The following COL19A1 variants were observed in gnomAD, a reference collection of about 807,000 sequenced individuals.
COL19A1 encodes collagen type XIX alpha 1 chain.
COL19A1 carries 159 observed loss-of-function variants against 190.2 expected under a neutral mutation model. The ratio of observed to expected loss-of-function variants is 0.84; its 90% CI spans 0.73 to 0.95. The LOEUF is 0.95. Among genes scored for constraint, COL19A1 ranks in the 40% least tolerant of loss-of-function variants. The probability of loss-of-function intolerance (pLI) is 0.00; values close to 1 mark genes in which losing one functional copy is unlikely to be tolerated. For missense variants in COL19A1, 1,418 were observed against 1,431.9 expected, an observed-to-expected ratio of 0.99 and a Z score of 0.16; for synonymous variants, 509 against 458.9, an observed-to-expected ratio of 1.11 and a Z score of -1.39.
At chr6:70,098,386 T>C (rs1783416240) in intron 15 of COL19A1, 2 of 505,284 alleles carry the variant, frequency 4.0e-6, no homozygotes, top group African/African-American at 1.9e-5. Flanking sequence ...ATCATTGAAA[T>C]TCTTAAGATA....
In COL19A1 at chr6:70,035,937, C is replaced by A. The variant is rs1779331515; in HGVS notation, c.1168C>A (p.Pro390Thr). ...AGGACCCCCAGGACCACCAGCCTTA[C>A]CTGTAAGTATTCTTGAAATCAAAAT... is the stretch of plus-strand genomic sequence containing the variant. ...DTGPPGPPAL[P>T]GSLGIQGPQG... Residue 390 changes from proline (P) to threonine (T), a missense_variant and splice_region_variant, in exon 14 of 51, where the codon CCT becomes ACT. Coordinates refer to ENST00000620364, the MANE Select transcript of COL19A1 (RefSeq NM_001858.6). 2 of 1,613,084 alleles carry A rather than the reference C, an allele frequency of 1.2e-6. No individual in the cohort carries two copies. Among genetic ancestry groups the A allele is most frequent in the South Asian group, 2.2e-5 (2 of 91,060 alleles).
intron 17 of COL19A1, among the ~76,000 whole-genome samples, chr6:70,125,278 G>A (rs983156214): frequency 6.6e-6 from 1 of 152,190 alleles, no homozygotes; most frequent in African/African-American, 2.4e-5. Context: ...TGTGATGTCT[G>A]CACTGGAGCC....
intron 46 of COL19A1, among the ~76,000 whole-genome samples, chr6:70,187,828 C>T (rs1013369083): frequency 8.6e-5 from 13 of 152,042 alleles, no homozygotes; most frequent in African/African-American, 2.7e-4. Flanking sequence ...TTAAGTACTG[C>T]CAAGGTGCCA....
At chr6:70,057,138 A>T (rs1401683455) in intron 14 of COL19A1, among the ~76,000 whole-genome samples, 1 of 152,146 alleles carries the variant, frequency 6.6e-6, no homozygotes, top group African/African-American at 2.4e-5. Context: ...CTGCAGTAGA[A>T]CCATGTTCAT....
At chr6:70,065,074 C>G (rs1369281735) in intron 14 of COL19A1, among the ~76,000 whole-genome samples, 2 of 152,150 alleles carry the variant, frequency 1.3e-5, no homozygotes, top group Non-Finnish European at 2.9e-5. Context: ...ATCAAGCTAC[C>G]AATGAGTTTC....
intron 15 of COL19A1, among the ~76,000 whole-genome samples, chr6:70,085,594 A>T (rs1277316100): frequency 6.6e-6 from 1 of 152,234 alleles, no homozygotes; most frequent in Non-Finnish European, 1.5e-5. Context: ...ACTATTTATA[A>T]CATAGGTTGA....
In COL19A1 at chr6:69,883,876, A is replaced by G. The variant is rs1309030319; in HGVS notation, c.91+4218A>G. Among the ~76,000 whole-genome samples the G allele has an allele frequency of 3.9e-5, 6 of 152,202 alleles. No individual in the cohort carries two copies. In the East Asian group the frequency reaches 1.2e-3, roughly 29 times the overall value. On this transcript the variant is annotated intron_variant, in intron 2 of 50. Transcript: ENST00000620364. The stretch of plus-strand genomic sequence containing the variant: ...AGTTGAAAAAACAAAACATTAAAAT[A>G]ACGGATTTTAGCTGATCTGAGCTTC...
Position 70,130,236 on chromosome 6 carries a change from T to C in COL19A1, c.1383+13T>C. On this transcript the variant is annotated intron_variant, in intron 18 of 50. Coordinates refer to ENST00000620364, the MANE Select transcript of COL19A1 (RefSeq NM_001858.6). ...GAAAGGAGACAAGGTAATCAGATTT[T>C]TTTTTTTTAGATGGAGTCTTGCTCT... is the stretch of plus-strand genomic sequence containing the variant. 1 of 1,611,606 alleles carries C rather than the reference T, an allele frequency of 6.2e-7. No individual in the cohort carries two copies. Among genetic ancestry groups the C allele is most frequent in the Non-Finnish European group, 8.5e-7 (1 of 1,178,698 alleles).
chr6:70,120,385 A>G (rs1381432735), intron 16 of COL19A1, among the ~76,000 whole-genome samples: 2 of 152,102 alleles, frequency 1.3e-5, no homozygotes, highest in African/African-American at 4.8e-5. Flanking sequence ...GCCTCATTAT[A>G]TGTTTGCAGA....
At chr6:70,186,889 T>C (rs570909392) in intron 46 of COL19A1, among the ~76,000 whole-genome samples, 42 of 152,344 alleles carry the variant, frequency 2.8e-4, no homozygotes, top group Middle Eastern at 6.8e-3. Context: ...TGTTTTGTTT[T>C]GTTTTGAGAC....
Position 69,880,620 on chromosome 6 carries a change from G to A in COL19A1, c.91+962G>A, listed in dbSNP as rs563889727. 3.9e-5 allele frequency among the ~76,000 whole-genome samples: 6 copies of A among 152,310 alleles called. No individual in the cohort carries two copies. The South Asian group carries it at 8.3e-4, about 21-fold the overall frequency. ...ATCTAACACATCGTAGTCTTTCAGAGTGTTATGTAAGTCTTTATGATTTTT... is the reference window on the plus strand; with the variant it reads ...ATCTAACACATCGTAGTCTTTCAGAATGTTATGTAAGTCTTTATGATTTTT... On this transcript the variant is annotated intron_variant, in intron 2 of 50. Transcript: ENST00000620364.
intron 4 of COL19A1, among the ~76,000 whole-genome samples, chr6:69,901,531 T>C (rs1358229154): frequency 1.3e-5 from 2 of 152,262 alleles, no homozygotes; most frequent in Non-Finnish European, 2.9e-5. Flanking sequence ...CTTCAGCAGA[T>C]GTAACTGTAT....
intron 14 of COL19A1, among the ~76,000 whole-genome samples, chr6:70,058,616 C>G (rs1465581903): frequency 1.3e-5 from 2 of 151,946 alleles, no homozygotes; most frequent in African/African-American, 4.8e-5. Flanking sequence ...CATAGAATTC[C>G]TTTTCTAAAC....
At chr6:70,089,616 A>G (rs184533531) in intron 15 of COL19A1, among the ~76,000 whole-genome samples, 18 of 152,280 alleles carry the variant, frequency 1.2e-4, no homozygotes, top group Admixed American at 7.8e-4. Flanking sequence ...TCAAAATCCA[A>G]CTTACCATTC....
chr6:70,156,469 T>TAC, intron 33 of COL19A1, 100 bp downstream of exon 33: 1 of 1,036,898 alleles, frequency 9.6e-7, no homozygotes, highest in Non-Finnish European at 1.4e-6. Flanking sequence ...ATACATACTA[T>TAC]ATATATATAT....
At position 70,084,459 on chromosome 6, in the gene COL19A1, T is replaced by C. The variant is rs555526343; in HGVS notation, c.1224+15983T>C. Among the ~76,000 whole-genome samples the C allele has an allele frequency of 1.9e-3, 284 of 152,292 alleles. 1 individual carries two copies. The highest frequency in any genetic ancestry group is 6.4e-3 in the African/African-American group (267 of 41,572). On this transcript the variant is annotated intron_variant, in intron 15 of 50. Coordinates refer to ENST00000620364, the MANE Select transcript of COL19A1 (RefSeq NM_001858.6). Reference sequence around the variant, plus strand: ...TTAGTGGGTGACAATCAGATTTTCTTTGAAATATTAACAAATGGCCAGAAT... The same window carrying C: ...TTAGTGGGTGACAATCAGATTTTCTCTGAAATATTAACAAATGGCCAGAAT...
rs143106537 is a variant in COL19A1 at position 70,200,073 on chromosome 6, G to A, written c.3223+337G>A. On this transcript the variant is annotated intron_variant, in intron 49 of 50. Coordinates refer to ENST00000620364, the MANE Select transcript of COL19A1 (RefSeq NM_001858.6). Reference sequence around the variant, plus strand: ...ATCTAGGAATCTTAGAATTTTTTAGGCTTCCCCTTTTGGTGTAAGTTAAGC... The same window carrying A: ...ATCTAGGAATCTTAGAATTTTTTAGACTTCCCCTTTTGGTGTAAGTTAAGC... The A allele has an allele frequency of 2.4e-3, 407 of 172,098 alleles. 2 individuals carry two copies. Among genetic ancestry groups the A allele is most frequent in the African/African-American group, 9.1e-3 (380 of 41,770 alleles). The allele number at this position is 172,098 out of a possible 1,614,324, so 10.7% of individuals were successfully genotyped here.
intron 4 of COL19A1, among the ~76,000 whole-genome samples, chr6:69,915,483 C>T (rs138608187): frequency 6.2e-4 from 95 of 152,238 alleles, no homozygotes; most frequent in African/African-American, 2.1e-3. Context: ...ATTGGACAGC[C>T]GGGAATGCTC....
intron 16 of COL19A1, among the ~76,000 whole-genome samples, chr6:70,102,986 A>G (rs1783730378): frequency 6.6e-6 from 1 of 152,086 alleles, no homozygotes; most frequent in Non-Finnish European, 1.5e-5. Context: ...GCCTGGGGCC[A>G]TCTTTTTGTC....
Sources: allele counts gnomAD v4.1 joint callset (sites outside exome capture counted in the v4.1 genomes callset), GRCh38; gene constraint gnomAD v4.1.1; transcripts MANE v1.5; gene names NCBI Gene and HGNC (gene_info 2026-07-23, HGNC 2026-07-21).